Variants in SLC5A5 observed in about 807,000 individuals in gnomAD.
SLC5A5 encodes sodium/iodide cotransporter.
In SLC5A5, 56 loss-of-function variants were observed where a neutral mutation model predicts 68.6. The ratio of observed to expected loss-of-function variants is 0.82; its 90% CI spans 0.66 to 1.02. The LOEUF (loss-of-function observed/expected upper bound fraction) is 1.02, where lower values mean the gene tolerates loss of function less well. SLC5A5 is among the 50% of genes least tolerant of loss of function. The pLI is 0.00. For synonymous variants in SLC5A5, 398 were observed against 373.0 expected (o/e 1.07, Z -0.77); for missense variants, 807 against 859.8 (o/e 0.94, Z 0.77).
At chr19:17,884,656 C>G (rs1228087034) in intron 12 of SLC5A5, among the ~76,000 whole-genome samples, 1 of 151,562 alleles carries the variant, frequency 6.6e-6, no homozygotes, top group Non-Finnish European at 1.5e-5. Flanking sequence ...GCCTGTAATC[C>G]CAGCTACTCG....
At chr19:17,875,300 G>A (rs1370659998) in intron 4 of SLC5A5, among the ~76,000 whole-genome samples, 2 of 151,372 alleles carry the variant, frequency 1.3e-5, no homozygotes, top group African/African-American at 4.9e-5. Flanking sequence ...AACCCGGGAG[G>A]TGGAGGTTGC....
In SLC5A5 at chr19:17,893,795, A is replaced by G; in HGVS notation, c.1850A>G (p.Gln617Arg). ...TNEDRLFFLG[Q>R]KELEGAGSWT... ...GAGGATCGTCTGTTTTTCTTGGGGC[A>G]GAAGGAGCTGGAGGGGGCTGGCTCT... Residue 617 changes from glutamine (Q) to arginine (R), a missense_variant, in exon 15 of 15, where the codon CAG (glutamine) becomes CGG (arginine). Transcript: ENST00000222248. The G allele has an allele frequency of 6.2e-7, 1 of 1,612,134 alleles. No homozygotes were observed.
rs531528970 is a variant in SLC5A5, at chr19:17,881,890, C to G, written c.1059-70C>G. The G allele has an allele frequency of 2.2e-4, 273 of 1,243,538 alleles. 2 individuals are homozygous for G. In the South Asian group the frequency reaches 3.3e-3, roughly 15 times the overall value. 77.0% of individuals were successfully genotyped at this position (1,243,538 alleles called of 1,614,324 possible). On this transcript the variant is annotated intron_variant, in intron 8 of 14. Transcript: ENST00000222248. ...CCGTTGCCCTCAGGCTGGGTGAGGT[C>G]TGGCAGGCCAGATGGTGTGGACGGT...
rs535773741 is a variant in SLC5A5, at chr19:17,875,875, G to A, written c.544-77G>A. 26 of 1,367,564 alleles carry A rather than the reference G, an allele frequency of 1.9e-5. No homozygotes were observed. The South Asian group carries it at 2.6e-4, about 14-fold the overall frequency. 84.7% of individuals were successfully genotyped at this position (1,367,564 alleles called of 1,614,324 possible). On this transcript the variant is annotated intron_variant, in intron 4 of 14. Transcript: ENST00000222248. Reference sequence around the variant, plus strand: ...GAGGAGGAGACTGAGGCATAGAAGGGCATCAGTCCTAGGCACCACTGAAGG... The same window carrying A: ...GAGGAGGAGACTGAGGCATAGAAGGACATCAGTCCTAGGCACCACTGAAGG...
chr19:17,881,888 G>C, intron 8 of SLC5A5, 72 bp from the exon 9 acceptor site: 1 of 1,209,134 alleles, frequency 8.3e-7, no homozygotes, highest in Non-Finnish European at 1.2e-6. Context: ...GCTGGGTGAG[G>C]TCTGGCAGGC....
At position 17,872,469 on chromosome 19, in the gene SLC5A5, G is replaced by C; in HGVS notation, c.150G>C (p.Gly50=). 1 of 1,611,400 alleles carries C rather than the reference G, an allele frequency of 6.2e-7. No homozygotes were observed. Among genetic ancestry groups the C allele is most frequent in the Non-Finnish European group, 8.5e-7 (1 of 1,179,204 alleles). The change falls in exon 1 of 15, where the codon GGG becomes GGC. Residue 50 remains glycine (G), a synonymous_variant. Coordinates refer to ENST00000222248, the MANE Select transcript of SLC5A5 (RefSeq NM_000453.3). The stretch of plus-strand genomic sequence containing the variant: ...GCAGCGCTGAGGACTTCTTCACCGG[G>C]GGCCGGCGCCTGGCGGCCCTGCCCG... The part of the protein sequence containing the change: ...GQRSAEDFFT[G]GRRLAALPVG...
At position 17,884,000 on chromosome 19, in the gene SLC5A5, C is replaced by G; in HGVS notation, c.1480C>G (p.Leu494Val). The change falls in exon 12 of 15, where the codon CTG (leucine) becomes GTG (valine). Residue 494 changes from leucine (L) to valine (V), a missense_variant. Leu to Val is a conservative substitution (Grantham distance 32, BLOSUM62 1). Transcript: ENST00000222248. ...TCTCTCAGTCAACGCCTCTGGCCTC[C>G]TGGACCCGGCTCTCCTCCCTGCTAA... ...VALSVNASGLLDPALLPANDS... is the reference protein window; with the variant it reads ...VALSVNASGLVDPALLPANDS... The G allele has an allele frequency of 6.4e-7, 1 of 1,572,046 alleles. No individual in the cohort carries two copies. The highest frequency in any genetic ancestry group is 8.6e-7 in the Non-Finnish European group (1 of 1,160,588).
chr19:17,875,861 T>C, intron 4 of SLC5A5, 91 bp from the exon 5 acceptor site: 1 of 1,162,626 alleles, frequency 8.6e-7, no homozygotes, highest in South Asian at 1.2e-5. Flanking sequence ...AGGAGGAGAC[T>C]GAGGCATAGA....
At chr19:17,880,611 G>A (rs542931044) in intron 7 of SLC5A5, among the ~76,000 whole-genome samples, 2 of 152,282 alleles carry the variant, frequency 1.3e-5, no homozygotes, top group African/African-American at 2.4e-5. Context: ...CAGGAAGATC[G>A]CTTGAGCCCA....
chr19:17,872,086 C>T lies in SLC5A5; in HGVS notation c.-234C>T, dbSNP rs1310068231. Reference sequence around the variant, plus strand: ...AGGACAGACAGACAGCAGGGGCGGACGCAGAGACAGACAGCGGGGACAGGG... The same window carrying T: ...AGGACAGACAGACAGCAGGGGCGGATGCAGAGACAGACAGCGGGGACAGGG... On this transcript the variant is annotated 5_prime_UTR_variant, in exon 1 of 15. In the 5' UTR this introduces an upstream ATG that the reference lacks. Coordinates refer to ENST00000222248, the MANE Select transcript of SLC5A5 (RefSeq NM_000453.3). 2.5e-5 allele frequency: 14 copies of T among 564,458 alleles called. No individual in the cohort carries two copies. Among genetic ancestry groups the T allele is most frequent in the Non-Finnish European group, 4.4e-5 (14 of 317,296 alleles). 35.0% of individuals were successfully genotyped at this position (564,458 alleles called of 1,614,324 possible).
intron 4 of SLC5A5, 104 bp downstream of exon 4, chr19:17,874,835 C>T (rs2094303078): frequency 9.4e-7 from 1 of 1,062,066 alleles, no homozygotes. Context: ...GCCTCTGTCC[C>T]AGCTGGGACC....
At chr19:17,890,064 TG>T (rs2030104980) in intron 13 of SLC5A5, among the ~76,000 whole-genome samples, 1 of 151,918 alleles carries the variant, frequency 6.6e-6, no homozygotes, top group Admixed American at 6.6e-5. Context: ...TTAATGTCTT[TG>T]TTTTGTTTTG....
chr19:17,881,178 G>T (rs114407441), intron 8 of SLC5A5, among the ~76,000 whole-genome samples: 1 of 152,094 alleles, frequency 6.6e-6, no homozygotes, highest in African/African-American at 2.4e-5. Flanking sequence ...TCAGGGCCAC[G>T]CCTGACTCTC....
intron 10 of SLC5A5, 141 bp from the exon 11 acceptor site, chr19:17,883,540 C>T: frequency 1.3e-6 from 1 of 770,966 alleles, no homozygotes; most frequent in South Asian, 1.4e-5. Context: ...GGGTCCTCTC[C>T]CCTTTAGGGA....
chr19:17,881,985 A>G lies in SLC5A5; in HGVS notation c.1084A>G (p.Met362Val), dbSNP rs752274081. Residue 362 changes from methionine (M) to valine (V), a missense_variant, in exon 9 of 15, where the codon ATG becomes GTG. Physicochemically the swap from Met to Val is conservative, Grantham distance 21 (BLOSUM62 1). Coordinates refer to ENST00000222248, the MANE Select transcript of SLC5A5 (RefSeq NM_000453.3). ...CACAGCATCCACCAGCATCAATGCTATGGCTGCAGTCACTGTAGAAGACCT... is the reference window on the plus strand; with the variant it reads ...CACAGCATCCACCAGCATCAATGCTGTGGCTGCAGTCACTGTAGAAGACCT... The part of the protein sequence containing the change: ...LSTASTSINA[M>V]AAVTVEDLIK... The G allele has an allele frequency of 6.2e-7, 1 of 1,613,796 alleles. No homozygotes were observed. Among genetic ancestry groups the G allele is most frequent in the Non-Finnish European group, 8.5e-7 (1 of 1,179,800 alleles).
chr19:17,881,938 C>A (rs1184068664), intron 8 of SLC5A5, 22 bp from the exon 9 acceptor site: 8 of 1,578,674 alleles, frequency 5.1e-6, no homozygotes, highest in South Asian at 1.1e-5. Context: ...CCTGAGGACC[C>A]CCCGCTGCCT....
chr19:17,872,655 G>A lies in SLC5A5; in HGVS notation c.336G>A (p.Leu112=), dbSNP rs760688118. The change falls in exon 1 of 15, where the codon CTG becomes CTA. Residue 112 remains leucine (L), a synonymous_variant. Transcript: ENST00000222248. ...ALLFMPVFYR[L]GLTSTYEYLE... is the part of the protein sequence containing the mutation. ...TCTTCATGCCCGTCTTCTACCGCCT[G>A]GGCCTCACCAGCACCTACGAGGTAC... 2.5e-6 allele frequency: 4 copies of A among 1,605,732 alleles called. No homozygotes were observed. The highest frequency in any genetic ancestry group is 3.4e-6 in the Non-Finnish European group (4 of 1,176,050).
At chr19:17,893,199 C>T (rs866894481) in intron 14 of SLC5A5, among the ~76,000 whole-genome samples, 1 of 150,924 alleles carries the variant, frequency 6.6e-6, no homozygotes, top group Non-Finnish European at 1.5e-5. Context: ...CTCCATGGTC[C>T]GAGAAATTCT....
chr19:17,892,652 C>CAGACAGAGAGAGAGAG (rs1285348546), intron 14 of SLC5A5, among the ~76,000 whole-genome samples: 1 of 97,338 alleles, frequency 1.0e-5, no homozygotes, highest in East Asian at 3.4e-4. Context: ...AAAGAAAAGA[C>CAGACAGAGAGAGAGAG]AGAGAGAGAG....
Sources: gnomAD v4.1 joint callset for allele counts (sites outside exome capture counted in the v4.1 genomes callset) on GRCh38, gnomAD v4.1.1 for gene constraint, MANE v1.5 for transcripts, NCBI Gene and HGNC (gene_info 2026-07-23, HGNC 2026-07-21) for gene names.